PTPRG: variants seen among roughly 807,000 people sequenced by gnomAD.
The protein encoded by PTPRG is protein tyrosine phosphatase receptor type G.
In PTPRG, 102 loss-of-function variants were observed where a neutral mutation model predicts 165.3. The observed-to-expected ratio is 0.62, with a 90% confidence interval of 0.53 to 0.73. The LOEUF is 0.73. PTPRG is among the 30% of genes least tolerant of loss of function. PTPRG has a pLI of 0.00. For synonymous variants in PTPRG, 675 were observed against 669.5 expected (o/e 1.01, Z -0.13); for missense variants, 1,866 against 1,861.4 (o/e 1.00, Z -0.05).
chr3:62,086,278 A>ATTTT (rs34119209), intron 5 of PTPRG, among the ~76,000 whole-genome samples: 1,539 of 148,240 alleles, frequency 0.01, 22 homozygotes, highest in African/African-American at 0.036. Context: ...TATGGTTTTA[A>ATTTT]TTTTTTTTTT....
chr3:62,207,479 A>G (rs1222211818), intron 12 of PTPRG, among the ~76,000 whole-genome samples: 2 of 152,124 alleles, frequency 1.3e-5, no homozygotes, highest in Non-Finnish European at 2.9e-5. Context: ...TATGGTATTT[A>G]TTTTTTAATG....
intron 2 of PTPRG, chr3:61,749,568 A>G (rs972243231): frequency 3.2e-5 from 5 of 155,268 alleles, no homozygotes; most frequent in Non-Finnish European, 5.7e-5. Flanking sequence ...TTACATTGCA[A>G]ATAATTTTCT....
At chr3:61,880,003 C>T (rs972552234) in intron 2 of PTPRG, among the ~76,000 whole-genome samples, 2 of 152,170 alleles carry the variant, frequency 1.3e-5, no homozygotes, top group East Asian at 1.9e-4. Flanking sequence ...TCAAAAATGA[C>T]CTAGTGATGG....
intron 1 of PTPRG, among the ~76,000 whole-genome samples, chr3:61,658,345 G>T (rs770281346): frequency 6.6e-6 from 1 of 152,150 alleles, no homozygotes; most frequent in Admixed American, 6.5e-5. Context: ...GAGGTCTCAG[G>T]ATCTCAGGTA....
intron 15 of PTPRG, among the ~76,000 whole-genome samples, chr3:62,253,127 AT>A (rs1183193823): frequency 4.6e-5 from 7 of 152,280 alleles, no homozygotes; most frequent in African/African-American, 1.7e-4. Context: ...ACCTGAAAGC[AT>A]TTCTTTTAAT....
chr3:61,628,456 C>A (rs1006910009), intron 1 of PTPRG, among the ~76,000 whole-genome samples: 3 of 152,130 alleles, frequency 2.0e-5, no homozygotes, highest in Non-Finnish European at 4.4e-5. Flanking sequence ...GCTGGGACTA[C>A]AGGTGTGCAC....
chr3:61,581,557 GA>G (rs1171808221), intron 1 of PTPRG, among the ~76,000 whole-genome samples: 3 of 151,952 alleles, frequency 2.0e-5, no homozygotes, highest in African/African-American at 4.8e-5. Context: ...GAGAATGTGA[GA>G]GGGGGAGCAG....
Position 62,250,041 on chromosome 3 carries a change from T to C in PTPRG, c.2468-5083T>C, listed in dbSNP as rs146653947. On this transcript the variant is annotated intron_variant, in intron 15 of 29. Transcript: ENST00000474889. ...GCAAGTAGCACCTAACAATAAATCA[T>C]AGATATGAAATGTTTACTAAATGCC... is the stretch of plus-strand genomic sequence containing the variant. Among the ~76,000 whole-genome samples the C allele has an allele frequency of 2.3e-3, 349 of 152,260 alleles. 5 individuals carry two copies. The highest frequency in any genetic ancestry group is 0.021 in the Admixed American group (325 of 15,280).
intron 10 of PTPRG, among the ~76,000 whole-genome samples, chr3:62,199,736 G>A (rs903633423): frequency 6.6e-6 from 1 of 152,176 alleles, no homozygotes. Flanking sequence ...CAGCTTTTCA[G>A]TTTATATAGC....
intron 1 of PTPRG, chr3:61,659,418 C>T (rs1004618175): frequency 2.0e-6 from 2 of 985,300 alleles, no homozygotes; most frequent in Non-Finnish European, 2.4e-6. Flanking sequence ...AGGCTGTGTA[C>T]ACTTCTTAAA....
intron 15 of PTPRG, among the ~76,000 whole-genome samples, chr3:62,251,042 T>C (rs1701401871): frequency 6.6e-6 from 1 of 152,204 alleles, no homozygotes; most frequent in Non-Finnish European, 1.5e-5. Context: ...GTGATAATGG[T>C]AGTGGTCCCA....
intron 4 of PTPRG, among the ~76,000 whole-genome samples, chr3:62,066,318 A>G (rs1701011559): frequency 6.6e-6 from 1 of 152,202 alleles, no homozygotes; most frequent in Non-Finnish European, 1.5e-5. Context: ...CATATTGCTG[A>G]TTCCTAGTTG....
intron 2 of PTPRG, among the ~76,000 whole-genome samples, chr3:61,785,777 A>G (rs972152113): frequency 3.9e-5 from 6 of 152,230 alleles, no homozygotes; most frequent in African/African-American, 1.4e-4. Context: ...ACTCATAAGC[A>G]GTTACCTGAG....
chr3:61,971,577 G>A (rs1005108189), intron 2 of PTPRG, among the ~76,000 whole-genome samples: 2 of 152,168 alleles, frequency 1.3e-5, no homozygotes, highest in Admixed American at 1.3e-4. Flanking sequence ...AGGTTGATGA[G>A]TAACTAGTCC....
At position 62,293,093 on chromosome 3, in the gene PTPRG, G is replaced by T; in HGVS notation, c.4192-68G>T. 8.4e-6 allele frequency: 11 copies of T among 1,306,096 alleles called. No homozygotes were observed. In the South Asian group the frequency reaches 9.0e-5, roughly 11 times the overall value. 80.9% of individuals were successfully genotyped at this position (1,306,096 alleles called of 1,614,324 possible). A position where few individuals can be genotyped will look rare whatever the true frequency, so the allele number is the denominator to read the frequency against. On this transcript the variant is annotated intron_variant, in intron 29 of 29. Transcript: ENST00000474889. ...TTTTTCACAATTACCATTTTAATTG[G>T]TATTTCCACCTTATGTGAAATCACT...
chr3:61,951,220 A>G (rs2039892444), intron 2 of PTPRG, among the ~76,000 whole-genome samples: 1 of 152,244 alleles, frequency 6.6e-6, no homozygotes, highest in African/African-American at 2.4e-5. Flanking sequence ...CCTAGTTACT[A>G]GAATTGGAAG....
chr3:61,811,066 C>T lies in PTPRG; in HGVS notation c.190+62084C>T, dbSNP rs1445726215. On this transcript the variant is annotated intron_variant, in intron 2 of 29. Coordinates refer to ENST00000474889, the MANE Select transcript of PTPRG (RefSeq NM_002841.4). ...ATGTGACACTTTCTCCCTGTCATAG[C>T]CCAGCAGCCCCTTTAGTTTGTGACT... is the stretch of plus-strand genomic sequence containing the variant. Among the ~76,000 whole-genome samples the T allele has an allele frequency of 3.9e-5, 6 of 152,268 alleles. No individual in the cohort carries two copies. The East Asian group carries it at 1.2e-3, about 29-fold the overall frequency.
chr3:62,101,371 C>G (rs1702284643), intron 5 of PTPRG, among the ~76,000 whole-genome samples: 3 of 152,214 alleles, frequency 2.0e-5, no homozygotes, highest in African/African-American at 7.2e-5. Context: ...ATGGAAAATT[C>G]CGACAGGCCA....
intron 2 of PTPRG, among the ~76,000 whole-genome samples, chr3:61,866,968 G>C (rs1301246086): frequency 6.6e-6 from 1 of 152,164 alleles, no homozygotes; most frequent in Non-Finnish European, 1.5e-5. Flanking sequence ...GCTAGAGCCT[G>C]AGTTCAGGGA....
Sources: gnomAD v4.1 joint callset for allele counts (sites outside exome capture counted in the v4.1 genomes callset) on GRCh38, gnomAD v4.1.1 for gene constraint, MANE v1.5 for transcripts, NCBI Gene and HGNC (gene_info 2026-07-23, HGNC 2026-07-21) for gene names.